Variants in DTNBP1 observed in about 807,000 individuals in gnomAD.
DTNBP1 encodes dystrobrevin binding protein 1.
DTNBP1 carries 35 observed loss-of-function variants against 42.8 expected under a neutral mutation model. The ratio of observed to expected loss-of-function variants is 0.82; its 90% CI spans 0.63 to 1.09. The LOEUF is 1.09. Ranked by LOEUF, DTNBP1 falls within the 50% of genes least tolerant of loss-of-function variation. DTNBP1 has a pLI of 0.00. For missense variants in DTNBP1, 457 were observed against 424.2 expected (o/e 1.08, Z -0.68); for synonymous variants, 171 against 162.2 (o/e 1.05, Z -0.41).
intron 7 of DTNBP1, among the ~76,000 whole-genome samples, chr6:15,563,435 T>C (rs147618595): frequency 7.5e-4 from 114 of 152,350 alleles, no homozygotes; most frequent in Non-Finnish European, 1.4e-3. Context: ...GACATAAACA[T>C]AGTTATAATT....
At chr6:15,567,810 T>C (rs979962303) in intron 7 of DTNBP1, among the ~76,000 whole-genome samples, 3 of 152,218 alleles carry the variant, frequency 2.0e-5, no homozygotes, top group Non-Finnish European at 2.9e-5. Context: ...AAATATTTTA[T>C]GGAGTTGGAT....
At chr6:15,562,628 T>C (rs1774894238) in intron 7 of DTNBP1, among the ~76,000 whole-genome samples, 1 of 152,152 alleles carries the variant, frequency 6.6e-6, no homozygotes, top group South Asian at 2.1e-4. Flanking sequence ...CTTTTTCTGG[T>C]AAGGAAAACT....
chr6:15,613,428 G>A lies in DTNBP1; in HGVS notation c.488+1839C>T, dbSNP rs577684774. ...GTTGCCCAGGATGGAGTGCAGTGGC[G>A]CGATCTCGGCTCACTGCAAGCTGCG... On this transcript the variant is annotated intron_variant, in intron 6 of 9. Coordinates refer to ENST00000344537, the MANE Select transcript of DTNBP1 (RefSeq NM_032122.5). 1.3e-3 allele frequency among the ~76,000 whole-genome samples: 176 copies of A among 138,620 alleles called. 1 individual carries two copies. The highest frequency in any genetic ancestry group is 4.5e-3 in the African/African-American group (169 of 37,406). 90.9% of individuals were successfully genotyped at this position (138,620 alleles called of 152,430 possible).
chr6:15,596,862 T>C (rs962036442), intron 6 of DTNBP1, among the ~76,000 whole-genome samples: 3 of 152,196 alleles, frequency 2.0e-5, no homozygotes, highest in African/African-American at 7.2e-5. Flanking sequence ...TCTCAGTTAA[T>C]GGCATTACCC....
At position 15,635,440 on chromosome 6, in the gene DTNBP1, A is replaced by G. The variant is rs1409483835; in HGVS notation, c.222+2304T>C. On this transcript the variant is annotated intron_variant, in intron 4 of 9. Transcript: ENST00000344537. ...AACTGGGTTCTGTAGCTCCAGTATG[A>G]GGTGTCTAGGAATGGATTATTATCT... Among the ~76,000 whole-genome samples the G allele has an allele frequency of 2.6e-5, 4 of 151,936 alleles. No homozygotes were observed. The East Asian group carries it at 7.7e-4, about 29-fold the overall frequency.
At chr6:15,597,039 G>C (rs935867221) in intron 6 of DTNBP1, among the ~76,000 whole-genome samples, 2 of 151,890 alleles carry the variant, frequency 1.3e-5, no homozygotes, top group Non-Finnish European at 1.5e-5. Flanking sequence ...ATATAATCTT[G>C]GTTGAGTTCA....
At chr6:15,637,695 A>C in intron 4 of DTNBP1, 49 bp downstream of exon 4, 1 of 1,570,166 alleles carries the variant, frequency 6.4e-7, no homozygotes, top group Non-Finnish European at 8.8e-7. Context: ...ACCATTTAGC[A>C]CTGAAAAAGG....
intron 6 of DTNBP1, among the ~76,000 whole-genome samples, chr6:15,599,114 C>T (rs1256922787): frequency 2.0e-5 from 3 of 152,106 alleles, no homozygotes; most frequent in Non-Finnish European, 4.4e-5. Flanking sequence ...CATTCCATCC[C>T]ACCTTGCAAG....
At chr6:15,580,443 T>C (rs530688571) in intron 7 of DTNBP1, among the ~76,000 whole-genome samples, 208 of 152,304 alleles carry the variant, frequency 1.4e-3, no homozygotes, top group African/African-American at 4.8e-3. Flanking sequence ...GCCCTATCTA[T>C]GTACGTATAG....
At chr6:15,626,689 A>G (rs961575226) in intron 5 of DTNBP1, among the ~76,000 whole-genome samples, 4 of 152,236 alleles carry the variant, frequency 2.6e-5, no homozygotes, top group African/African-American at 7.2e-5. Flanking sequence ...CCAAATGAAC[A>G]ACGACAAAAA....
At chr6:15,583,142 G>A (rs991727371) in intron 7 of DTNBP1, among the ~76,000 whole-genome samples, 6 of 152,002 alleles carry the variant, frequency 3.9e-5, no homozygotes, top group East Asian at 1.9e-4. Flanking sequence ...CACCATGCCC[G>A]GCTAATTTTT....
intron 6 of DTNBP1, among the ~76,000 whole-genome samples, chr6:15,614,618 CAGGCTGTTACCCTT>C (rs1442285795): frequency 6.6e-6 from 1 of 152,192 alleles, no homozygotes; most frequent in Non-Finnish European, 1.5e-5. Flanking sequence ...GCTAGTCTAG[CAGGCTGTTACCCTT>C]AGACTCCTTT....
chr6:15,618,385 C>T (rs554712623), intron 5 of DTNBP1, among the ~76,000 whole-genome samples: 3 of 152,032 alleles, frequency 2.0e-5, no homozygotes, highest in South Asian at 2.1e-4. Context: ...AGGGGGGAAG[C>T]GTGGGAAGGG....
intron 7 of DTNBP1, among the ~76,000 whole-genome samples, chr6:15,557,836 G>A (rs2113456776): frequency 6.6e-6 from 1 of 152,108 alleles, no homozygotes; most frequent in African/African-American, 2.4e-5. Flanking sequence ...AATATCAAAT[G>A]TTTTAAACCT....
chr6:15,645,249 CA>C (rs1760607795), intron 3 of DTNBP1, among the ~76,000 whole-genome samples: 1 of 151,692 alleles, frequency 6.6e-6, no homozygotes, highest in South Asian at 2.1e-4. Flanking sequence ...AAATTCTGAA[CA>C]GACCAATAAC....
At chr6:15,600,932 T>C (rs1271354954) in intron 6 of DTNBP1, among the ~76,000 whole-genome samples, 2 of 152,190 alleles carry the variant, frequency 1.3e-5, no homozygotes, top group African/African-American at 4.8e-5. Flanking sequence ...AGTGGTTTGA[T>C]AATGATCACC....
chr6:15,662,706 G>T (rs1581451510), intron 1 of DTNBP1, 108 bp downstream of exon 1: 1 of 1,473,986 alleles, frequency 6.8e-7, no homozygotes, highest in East Asian at 2.3e-5. Context: ...GGAGGTGCGG[G>T]ACAGGACGGA....
chr6:15,662,797 G>T lies in DTNBP1; in HGVS notation c.56+17C>A, dbSNP rs201270780. The stretch of plus-strand genomic sequence containing the variant: ...CGGCCCCCTCAGGTCCCTTTTCGTC[G>T]CCCACCGTATACCCACCCGGAGGTG... On this transcript the variant is annotated intron_variant, in intron 1 of 9. Coordinates refer to ENST00000344537, the MANE Select transcript of DTNBP1 (RefSeq NM_032122.5). The T allele has an allele frequency of 3.7e-6, 6 of 1,611,888 alleles. No individual in the cohort carries two copies. In the East Asian group the frequency reaches 1.3e-4, roughly 36 times the overall value.
chr6:15,619,094 A>G (rs1758891583), intron 5 of DTNBP1, among the ~76,000 whole-genome samples: 1 of 152,204 alleles, frequency 6.6e-6, no homozygotes, highest in Non-Finnish European at 1.5e-5. Context: ...GCAGTAGCCA[A>G]AGGTTGGTTA....
Sources: gnomAD v4.1 joint callset for allele counts (sites outside exome capture counted in the v4.1 genomes callset) on GRCh38, gnomAD v4.1.1 for gene constraint, MANE v1.5 for transcripts, NCBI Gene and HGNC (gene_info 2026-07-23, HGNC 2026-07-21) for gene names.